NTM: variants seen among roughly 807,000 people sequenced by gnomAD.
NTM encodes IgLON family member 2.
NTM carries 13 observed loss-of-function variants against 42.1 expected under a neutral mutation model. The ratio of observed to expected loss-of-function variants is 0.31; its 90% CI spans 0.20 to 0.49. The LOEUF (loss-of-function observed/expected upper bound fraction) is 0.49. Among genes scored for constraint, NTM ranks in the 20% least tolerant of loss-of-function variants. The pLI is 0.99. For synonymous variants in NTM, 187 were observed against 179.2 expected (o/e 1.04, Z -0.35); for missense variants, 373 against 452.8 (o/e 0.82, Z 1.60).
intron 1 of NTM, among the ~76,000 whole-genome samples, chr11:131,627,716 A>G (rs1009189709): frequency 6.6e-6 from 1 of 151,926 alleles, no homozygotes; most frequent in Non-Finnish European, 1.5e-5. Context: ...CTGTGGTCCC[A>G]CCTACCCTGG....
At chr11:131,545,607 C>T (rs1592004368) in intron 1 of NTM, among the ~76,000 whole-genome samples, 1 of 152,134 alleles carries the variant, frequency 6.6e-6, no homozygotes, top group East Asian at 1.9e-4. Flanking sequence ...TTGATCCCTG[C>T]TCTCAAGCCA....
In NTM at chr11:132,194,358, A is replaced by C. The variant is rs371054800; in HGVS notation, c.401-17664A>C. Among the ~76,000 whole-genome samples, 61 of 151,292 alleles carry C rather than the reference A, an allele frequency of 4.0e-4. 3 individuals carry two copies. Among genetic ancestry groups the C allele is most frequent in the African/African-American group, 1.4e-3 (58 of 40,638 alleles). ...GTTTCACTAAATAGAATTAAAAAAA[A>C]CAAAATAACATGATCGTCTCAATAA... is the stretch of plus-strand genomic sequence containing the variant. On this transcript the variant is annotated intron_variant, in intron 3 of 8. Transcript: ENST00000683400.
intron 4 of NTM, among the ~76,000 whole-genome samples, chr11:132,289,617 A>C (rs1014025411): frequency 1.3e-5 from 2 of 152,260 alleles, no homozygotes; most frequent in African/African-American, 2.4e-5. Flanking sequence ...GTCCAACTCC[A>C]GGGAAAAGTG....
intron 7 of NTM, among the ~76,000 whole-genome samples, chr11:132,323,128 G>A (rs2095606573): frequency 7.5e-6 from 1 of 133,704 alleles, no homozygotes; most frequent in Admixed American, 7.5e-5. Context: ...AACTAGAAAA[G>A]CAAGAGCAAA....
chr11:131,964,847 G>A (rs2062628397), intron 2 of NTM, among the ~76,000 whole-genome samples: 1 of 152,142 alleles, frequency 6.6e-6, no homozygotes, highest in South Asian at 2.1e-4. Context: ...AATAATTGAT[G>A]CCCCTCATAC....
intron 2 of NTM, among the ~76,000 whole-genome samples, chr11:132,045,444 C>T (rs79528491): frequency 0.088 from 13,401 of 152,210 alleles, 784 homozygotes; most frequent in Non-Finnish European, 0.13. Context: ...GATTATTCTA[C>T]ATGTAGAGAT....
At chr11:131,570,004 C>A (rs1263394865) in intron 1 of NTM, among the ~76,000 whole-genome samples, 1 of 152,200 alleles carries the variant, frequency 6.6e-6, no homozygotes, top group African/African-American at 2.4e-5. Flanking sequence ...GGCCTGTGGT[C>A]CCCACTCAGG....
chr11:132,225,544 G>A (rs2138938600), intron 4 of NTM, among the ~76,000 whole-genome samples: 1 of 152,270 alleles, frequency 6.6e-6, no homozygotes, highest in Admixed American at 6.5e-5. Context: ...TGGTGCTCAG[G>A]GAAGTGATGT....
chr11:131,949,996 G>C (rs1017427420), intron 2 of NTM, among the ~76,000 whole-genome samples: 2 of 152,138 alleles, frequency 1.3e-5, no homozygotes, highest in Non-Finnish European at 2.9e-5. Context: ...ATGCTTCTCT[G>C]TTTTGTTTCC....
chr11:131,808,652 C>G (rs1404481976), intron 1 of NTM, among the ~76,000 whole-genome samples: 1 of 152,168 alleles, frequency 6.6e-6, no homozygotes, highest in African/African-American at 2.4e-5. Context: ...AACCTGGTGT[C>G]TCAGGGTGAG....
At chr11:131,775,859 C>T (rs114162022) in intron 1 of NTM, among the ~76,000 whole-genome samples, 1,807 of 152,192 alleles carry the variant, frequency 0.012, 28 homozygotes, top group African/African-American at 0.04. Context: ...AATGTGGAGC[C>T]GGTGCAAGTT....
chr11:131,810,654 C>T (rs1030401865), intron 1 of NTM, among the ~76,000 whole-genome samples: 5 of 152,126 alleles, frequency 3.3e-5, no homozygotes, highest in Non-Finnish European at 5.9e-5. Context: ...GGAGATATTC[C>T]GACATGTGAA....
intron 2 of NTM, among the ~76,000 whole-genome samples, chr11:132,130,170 T>A (rs1015003313): frequency 5.3e-5 from 8 of 152,140 alleles, no homozygotes; most frequent in Non-Finnish European, 1.0e-4. Context: ...TGACCAGTAA[T>A]AGGAAATCAT....
chr11:131,494,894 C>T (rs1000778264), intron 1 of NTM, among the ~76,000 whole-genome samples: 4 of 152,220 alleles, frequency 2.6e-5, no homozygotes, highest in African/African-American at 9.6e-5. Context: ...CACTTTCTCT[C>T]TCCCTCTCTT....
At chr11:131,721,932 G>C (rs1177983690) in intron 1 of NTM, among the ~76,000 whole-genome samples, 1 of 142,590 alleles carries the variant, frequency 7.0e-6, no homozygotes, top group Non-Finnish European at 1.5e-5. Flanking sequence ...CCAGGAGGTG[G>C]AGATTGCAGT....
At chr11:131,767,649 G>T (rs1440011735) in intron 1 of NTM, among the ~76,000 whole-genome samples, 3 of 152,132 alleles carry the variant, frequency 2.0e-5, no homozygotes, top group Admixed American at 6.5e-5. Flanking sequence ...ATGAGTCCTC[G>T]CCAGACACAG....
chr11:132,188,898 C>T lies in NTM; in HGVS notation c.401-23124C>T, dbSNP rs888771806. ...TGACAGTGTGCATGGGAGCCATTTC[C>T]TCTGCCAACCATTTTGACTCTAGAA... is the stretch of plus-strand genomic sequence containing the variant. On this transcript the variant is annotated intron_variant, in intron 3 of 8. Coordinates refer to ENST00000683400, the MANE Select transcript of NTM (RefSeq NM_001352005.2). Among the ~76,000 whole-genome samples, 42 of 152,186 alleles carry T rather than the reference C, an allele frequency of 2.8e-4. 1 individual carries two copies. Among genetic ancestry groups the T allele is most frequent in the Admixed American group, 7.9e-4 (12 of 15,276 alleles).
chr11:132,012,038 C>A (rs942774976), intron 2 of NTM, among the ~76,000 whole-genome samples: 46 of 152,192 alleles, frequency 3.0e-4, no homozygotes, highest in African/African-American at 1.1e-3. Flanking sequence ...TGTACCACAT[C>A]TTCCTTTCCA....
chr11:131,784,470 A>T (rs540329605), intron 1 of NTM, among the ~76,000 whole-genome samples: 4 of 152,292 alleles, frequency 2.6e-5, no homozygotes, highest in African/African-American at 9.6e-5. Flanking sequence ...TTCAAAAAAC[A>T]TTATGCTGAG....
Sources: gnomAD v4.1 joint callset for allele counts (sites outside exome capture counted in the v4.1 genomes callset) on GRCh38, gnomAD v4.1.1 for gene constraint, MANE v1.5 for transcripts, NCBI Gene and HGNC (gene_info 2026-07-23, HGNC 2026-07-21) for gene names.